SLC44A1: variants seen among roughly 807,000 people sequenced by gnomAD.
SLC44A1 encodes solute carrier family 44 member 1, also known as choline transporter-like protein 1.
Under a neutral mutation model 79.3 loss-of-function variants are expected in SLC44A1, and 26 were observed. The ratio of observed to expected loss-of-function variants is 0.33; its 90% CI spans 0.24 to 0.46. The LOEUF (loss-of-function observed/expected upper bound fraction) is 0.46. Among genes scored for constraint, SLC44A1 ranks in the 20% least tolerant of loss-of-function variants. The pLI is 1.00. For missense variants in SLC44A1, 688 were observed against 798.1 expected, an observed-to-expected ratio of 0.86 and a Z score of 1.66; for synonymous variants, 263 against 286.2, an observed-to-expected ratio of 0.92 and a Z score of 0.82.
intron 4 of SLC44A1, among the ~76,000 whole-genome samples, chr9:105,337,543 C>T (rs1713960070): frequency 6.6e-6 from 1 of 152,170 alleles, no homozygotes; most frequent in Non-Finnish European, 1.5e-5. Flanking sequence ...AGCTCTCTTA[C>T]ATACTACTGA....
rs1828776937 is a variant in SLC44A1, at chr9:105,392,218, G to A, written c.*3162G>A. The A allele has an allele frequency of 3.0e-6, 3 of 984,084 alleles. No homozygotes were observed. The highest frequency in any genetic ancestry group is 6.2e-5 in the Admixed American group (1 of 16,246). 61.0% of individuals were successfully genotyped at this position (984,084 alleles called of 1,614,324 possible). A position where few individuals can be genotyped will look rare whatever the true frequency, so the allele number is the denominator to read the frequency against. Reference sequence around the variant, plus strand: ...ATTTAATGCAATGGCTAATGTTTAGGATTAAAGTTTTTATTTTATCCTATA... The same window carrying A: ...ATTTAATGCAATGGCTAATGTTTAGAATTAAAGTTTTTATTTTATCCTATA... On this transcript the variant is annotated 3_prime_UTR_variant, in exon 16 of 16. Transcript: ENST00000374720.
At chr9:105,275,180 A>G (rs1830170366) in intron 1 of SLC44A1, among the ~76,000 whole-genome samples, 2 of 152,222 alleles carry the variant, frequency 1.3e-5, no homozygotes, top group Admixed American at 6.5e-5. Flanking sequence ...AGAAACAACT[A>G]TACAACCGTA....
At chr9:105,273,721 T>C (rs571121662) in intron 1 of SLC44A1, among the ~76,000 whole-genome samples, 1 of 152,296 alleles carries the variant, frequency 6.6e-6, no homozygotes, top group African/African-American at 2.4e-5. Context: ...TGACAGTTCA[T>C]ACCATTGTAC....
chr9:105,245,541 C>T (rs1170976112), intron 1 of SLC44A1, among the ~76,000 whole-genome samples: 1 of 152,284 alleles, frequency 6.6e-6, no homozygotes, highest in African/African-American at 2.4e-5. Flanking sequence ...GTGCCGTGAC[C>T]CGGGCCCCGC....
chr9:105,429,309 C>T (rs533973092), intron 15 of SLC44A1, among the ~76,000 whole-genome samples: 3 of 152,226 alleles, frequency 2.0e-5, no homozygotes, highest in African/African-American at 4.8e-5. Flanking sequence ...GGTTTGTTTT[C>T]GTTTTTGTTT....
At chr9:105,324,783 T>A (rs1401707825) in intron 3 of SLC44A1, among the ~76,000 whole-genome samples, 1 of 152,102 alleles carries the variant, frequency 6.6e-6, no homozygotes, top group Non-Finnish European at 1.5e-5. Flanking sequence ...TATCAAGAAA[T>A]GCAAATCAAA....
intron 15 of SLC44A1, among the ~76,000 whole-genome samples, chr9:105,387,060 A>AAAAAAAAAATATATATAT (rs34780893): frequency 2.6e-4 from 2 of 7,728 alleles, no homozygotes; most frequent in African/African-American, 8.1e-4. Context: ...AAAAAAAAAA[A>AAAAAAAAAATATATATAT]ATATATATAT....
At chr9:105,434,628 G>A (rs1036207225) in intron 15 of SLC44A1, among the ~76,000 whole-genome samples, 5 of 152,192 alleles carry the variant, frequency 3.3e-5, no homozygotes, top group East Asian at 1.9e-4. Context: ...GGAGAAGGAT[G>A]TTCTGGGCTC....
chr9:105,437,915 TG>T (rs1383567490), intron 15 of SLC44A1, among the ~76,000 whole-genome samples: 16 of 152,344 alleles, frequency 1.1e-4, no homozygotes, highest in African/African-American at 3.8e-4. Flanking sequence ...ATGCCAACAG[TG>T]GCAAACACTA....
In SLC44A1 at chr9:105,244,794, G is replaced by A. The variant is rs1829383718; in HGVS notation, c.-75G>A. 3.1e-6 allele frequency: 3 copies of A among 968,104 alleles called. No individual in the cohort carries two copies. Among genetic ancestry groups the A allele is most frequent in the African/African-American group, 3.5e-5 (2 of 56,994 alleles). 60.0% of individuals were successfully genotyped at this position (968,104 alleles called of 1,614,324 possible). ...CAGGCCGCGCCCTCCCCGGGCGCCC[G>A]CCGGCTCGCATGCCGAGGGGCTCCG... is the stretch of plus-strand genomic sequence containing the variant. On this transcript the variant is annotated 5_prime_UTR_variant, in exon 1 of 16. Coordinates refer to ENST00000374720, the MANE Select transcript of SLC44A1 (RefSeq NM_080546.5).
intron 15 of SLC44A1, among the ~76,000 whole-genome samples, chr9:105,408,491 C>T (rs538196697): frequency 6.6e-6 from 1 of 152,224 alleles, no homozygotes; most frequent in East Asian, 1.9e-4. Flanking sequence ...CTCACTGCAA[C>T]CTCCACCTCC....
At chr9:105,289,798 C>T (rs1007974280) in intron 1 of SLC44A1, among the ~76,000 whole-genome samples, 3 of 151,156 alleles carry the variant, frequency 2.0e-5, no homozygotes. Context: ...AGTCAGTTCT[C>T]AGTGTTTTTT....
At chr9:105,259,821 A>T (rs1588708147) in intron 1 of SLC44A1, among the ~76,000 whole-genome samples, 1 of 152,370 alleles carries the variant, frequency 6.6e-6, no homozygotes, top group South Asian at 2.1e-4. Flanking sequence ...TACTTTAATA[A>T]GGCACTTCAT....
chr9:105,245,370 C>T (rs1829412174), intron 1 of SLC44A1, among the ~76,000 whole-genome samples: 1 of 152,220 alleles, frequency 6.6e-6, no homozygotes, highest in South Asian at 2.1e-4. Context: ...AGCTCTTCAC[C>T]TCTCCCACCG....
chr9:105,417,230 A>G (rs1301575115), intron 15 of SLC44A1, among the ~76,000 whole-genome samples: 25 of 152,194 alleles, frequency 1.6e-4, no homozygotes, highest in Non-Finnish European at 1.5e-5. Context: ...CATGAAATAA[A>G]CCAATTCATT....
intron 5 of SLC44A1, among the ~76,000 whole-genome samples, chr9:105,354,082 T>C (rs10081753): frequency 0.11 from 14,063 of 129,082 alleles, 1,468 homozygotes; most frequent in African/African-American, 0.29. Flanking sequence ...ACGGAGTCTC[T>C]CTCTGTCGCC....
At chr9:105,281,857 A>G (rs1324462395) in intron 1 of SLC44A1, among the ~76,000 whole-genome samples, 1 of 152,228 alleles carries the variant, frequency 6.6e-6, no homozygotes, top group Non-Finnish European at 1.5e-5. Flanking sequence ...TTTGGGAGCC[A>G]TATTGTTTAA....
chr9:105,318,477 G>T (rs888733014), intron 3 of SLC44A1, among the ~76,000 whole-genome samples: 1 of 152,116 alleles, frequency 6.6e-6, no homozygotes, highest in Admixed American at 6.5e-5. Context: ...ACTACACCCG[G>T]CCTATACAGT....
chr9:105,386,196 TG>T, intron 15 of SLC44A1: 1 of 984,116 alleles, frequency 1.0e-6, no homozygotes, highest in Middle Eastern at 5.2e-4. Context: ...CACTTTTATT[TG>T]AAAAAAGCAG....
Sources: allele counts gnomAD v4.1 joint callset (sites outside exome capture counted in the v4.1 genomes callset), GRCh38; gene constraint gnomAD v4.1.1; transcripts MANE v1.5; gene names NCBI Gene and HGNC (gene_info 2026-07-23, HGNC 2026-07-21).